Variants in EXOC6B observed in about 807,000 individuals in gnomAD.
EXOC6B encodes the protein SEC15 homolog B.
In EXOC6B, 54 loss-of-function variants were observed where a neutral mutation model predicts 113.5. The observed-to-expected ratio is 0.48, with a 90% CI of 0.38 to 0.60. The LOEUF is 0.60. EXOC6B is among the 20% of genes least tolerant of loss of function. The pLI is 0.00. For missense variants in EXOC6B, 797 were observed against 977.5 expected (o/e 0.82, Z 2.46); for synonymous variants, 357 against 339.0 (o/e 1.05, Z -0.58).
chr2:72,228,888 TA>T (rs1681432371), intron 20 of EXOC6B, among the ~76,000 whole-genome samples: 1 of 152,192 alleles, frequency 6.6e-6, no homozygotes. Flanking sequence ...ACCAACAGTG[TA>T]AAAGTGTTCC....
intron 20 of EXOC6B, among the ~76,000 whole-genome samples, chr2:72,189,750 T>C: frequency 6.9e-6 from 1 of 144,972 alleles, no homozygotes; most frequent in Non-Finnish European, 1.5e-5. Flanking sequence ...CTTCCTTCCT[T>C]TCTTTCTTCC....
At chr2:72,500,572 T>C (rs1015311150) in intron 11 of EXOC6B, among the ~76,000 whole-genome samples, 1 of 148,818 alleles carries the variant, frequency 6.7e-6, no homozygotes, top group Non-Finnish European at 1.5e-5. Context: ...TTAGACAAAA[T>C]TGATTAAACA....
chr2:72,771,506 C>G (rs1023222134), intron 1 of EXOC6B, among the ~76,000 whole-genome samples: 9 of 152,162 alleles, frequency 5.9e-5, no homozygotes, highest in African/African-American at 1.7e-4. Context: ...AACCCACAGT[C>G]CAAATTCCAA....
At chr2:72,278,227 G>A (rs1335412770) in intron 20 of EXOC6B, among the ~76,000 whole-genome samples, 3 of 152,136 alleles carry the variant, frequency 2.0e-5, no homozygotes, top group Non-Finnish European at 4.4e-5. Flanking sequence ...AGTCATCACA[G>A]GGATCATATG....
At chr2:72,267,848 A>T (rs1310621984) in intron 20 of EXOC6B, among the ~76,000 whole-genome samples, 5 of 152,190 alleles carry the variant, frequency 3.3e-5, no homozygotes, top group Admixed American at 3.3e-4. Flanking sequence ...TCAACAAATA[A>T]AAATCTCATA....
Position 72,657,567 on chromosome 2 carries a change from C to CTTTTTTTTTTT in EXOC6B, c.669+60525_669+60535dup, listed in dbSNP as rs70963136. Among the ~76,000 whole-genome samples the CTTTTTTTTTTT allele has an allele frequency of 1.2e-3, 62 of 50,378 alleles. 3 individuals carry two copies. Among genetic ancestry groups the CTTTTTTTTTTT allele is most frequent in the African/African-American group, 2.0e-3 (21 of 10,462 alleles). 33.0% of individuals were successfully genotyped at this position (50,378 alleles called of 152,430 possible). A position where few individuals can be genotyped will look rare whatever the true frequency, so the allele number is the denominator to read the frequency against. On this transcript the variant is annotated intron_variant, in intron 6 of 21. Coordinates refer to ENST00000272427, the MANE Select transcript of EXOC6B (RefSeq NM_015189.3). ...TATTAGGTCTTTCCTCTTTCCTTTT[C>CTTTTTTTTTTT]TTTTTTTTTTTTTTTTTTTTTTTTT...
chr2:72,685,577 A>G (rs1677030928), intron 6 of EXOC6B, among the ~76,000 whole-genome samples: 1 of 152,182 alleles, frequency 6.6e-6, no homozygotes, highest in African/African-American at 2.4e-5. Flanking sequence ...AACCAGTACT[A>G]GATCCCCTTT....
At chr2:72,477,640 C>T (rs566829942) in intron 17 of EXOC6B, among the ~76,000 whole-genome samples, 1 of 152,352 alleles carries the variant, frequency 6.6e-6, no homozygotes, top group African/African-American at 2.4e-5. Flanking sequence ...CATCTCATTT[C>T]AGAATACAAT....
chr2:72,814,193 A>G (rs1487934240), intron 1 of EXOC6B, among the ~76,000 whole-genome samples: 1 of 152,222 alleles, frequency 6.6e-6, no homozygotes, highest in Non-Finnish European at 1.5e-5. Context: ...ATAATGAAAG[A>G]GAGCCTATAT....
intron 18 of EXOC6B, among the ~76,000 whole-genome samples, chr2:72,391,499 A>G (rs764063795): frequency 3.3e-5 from 5 of 152,150 alleles, no homozygotes; most frequent in African/African-American, 4.8e-5. Flanking sequence ...TCTGACCATT[A>G]TGTGCCTAGG....
intron 8 of EXOC6B, among the ~76,000 whole-genome samples, chr2:72,540,924 C>T (rs901736941): frequency 1.3e-5 from 2 of 152,162 alleles, no homozygotes; most frequent in Non-Finnish European, 2.9e-5. Context: ...ATTTCGTTGT[C>T]TTATCTCCTT....
At chr2:72,679,471 C>T (rs531936373) in intron 6 of EXOC6B, among the ~76,000 whole-genome samples, 9 of 152,182 alleles carry the variant, frequency 5.9e-5, no homozygotes, top group East Asian at 5.8e-4. Context: ...AAAGGTAAAC[C>T]AAAGAAATGT....
chr2:72,211,045 G>C lies in EXOC6B; in HGVS notation c.2197-26858C>G, dbSNP rs1232284264. Reference sequence around the variant, plus strand: ...AGGCAGCCACAGCTTTCTCCAGCTGGGGTTGATTCAGGAAAGTATTAGCAA... The same window carrying C: ...AGGCAGCCACAGCTTTCTCCAGCTGCGGTTGATTCAGGAAAGTATTAGCAA... On this transcript the variant is annotated intron_variant, in intron 20 of 21. Transcript: ENST00000272427. 5.9e-5 allele frequency among the ~76,000 whole-genome samples: 9 copies of C among 152,078 alleles called. 1 individual carries two copies. Among genetic ancestry groups the C allele is most frequent in the Non-Finnish European group, 1.3e-4 (9 of 68,010 alleles).
At chr2:72,350,605 AAGG>A (rs2104940793) in intron 19 of EXOC6B, among the ~76,000 whole-genome samples, 1 of 152,330 alleles carries the variant, frequency 6.6e-6, no homozygotes, top group South Asian at 2.1e-4. Context: ...AAAAAATAAA[AAGG>A]AGAAGAGAAT....
chr2:72,794,060 T>C (rs1684819082), intron 1 of EXOC6B, among the ~76,000 whole-genome samples: 1 of 152,168 alleles, frequency 6.6e-6, no homozygotes, highest in South Asian at 2.1e-4. Context: ...AAACAACTAA[T>C]TACCCTCTTG....
intron 1 of EXOC6B, among the ~76,000 whole-genome samples, chr2:72,767,812 A>C (rs1347837393): frequency 7.2e-5 from 9 of 125,130 alleles, no homozygotes; most frequent in African/African-American, 2.4e-4. Context: ...CCTTGTTAAA[A>C]AAAAAAAAAA....
chr2:72,356,853 C>G (rs1689996464), intron 19 of EXOC6B, among the ~76,000 whole-genome samples: 1 of 152,034 alleles, frequency 6.6e-6, no homozygotes, highest in African/African-American at 2.4e-5. Flanking sequence ...CATTGTGGGG[C>G]CATTATTGGT....
At chr2:72,653,605 C>CCT (rs1355027935) in intron 6 of EXOC6B, among the ~76,000 whole-genome samples, 1 of 144,764 alleles carries the variant, frequency 6.9e-6, no homozygotes, top group Non-Finnish European at 1.5e-5. Context: ...GCAACCCCCC[C>CCT]CCAAAAAGAA....
chr2:72,322,535 C>T (rs1023752766), intron 20 of EXOC6B, among the ~76,000 whole-genome samples: 6 of 152,016 alleles, frequency 3.9e-5, no homozygotes, highest in African/African-American at 1.4e-4. Flanking sequence ...GAAATAGGCA[C>T]ATTTTATTGT....
Sources: gnomAD v4.1 joint callset for allele counts (sites outside exome capture counted in the v4.1 genomes callset) on GRCh38, gnomAD v4.1.1 for gene constraint, MANE v1.5 for transcripts, NCBI Gene and HGNC (gene_info 2026-07-23, HGNC 2026-07-21) for gene names.